Variants in NEDD4 observed in about 807,000 individuals in gnomAD.
The protein encoded by NEDD4 is E3 ubiquitin-protein ligase NEDD4.
Under a neutral mutation model 144.9 loss-of-function variants are expected in NEDD4, and 99 were observed. The observed-to-expected ratio is 0.68, with a 90% CI of 0.58 to 0.81. The LOEUF (loss-of-function observed/expected upper bound fraction) is 0.81. Ranked by LOEUF, NEDD4 falls within the 30% of genes least tolerant of loss-of-function variation. The probability of loss-of-function intolerance (pLI) is 0.00; values close to 1 mark genes in which losing one functional copy is unlikely to be tolerated. For synonymous variants in NEDD4, 318 were observed against 350.6 expected, an observed-to-expected ratio of 0.91 and a Z score of 1.04; for missense variants, 985 against 1,065.9, an observed-to-expected ratio of 0.92 and a Z score of 1.06.
chr15:55,899,170 G>A (rs1192340314), intron 5 of NEDD4, among the ~76,000 whole-genome samples: 2 of 152,058 alleles, frequency 1.3e-5, no homozygotes, highest in African/African-American at 2.4e-5. Flanking sequence ...TCCCAAAGTA[G>A]TTTTTCTTCT....
At chr15:55,915,325 T>C (rs1462541011) in intron 5 of NEDD4, 4 of 1,607,916 alleles carry the variant, frequency 2.5e-6, no homozygotes, top group Admixed American at 1.7e-5. Context: ...TCTCTGTTGC[T>C]GTCTCTTGAT....
At chr15:55,915,221 C>T (rs2036397448) in intron 5 of NEDD4, 1 of 1,423,194 alleles carries the variant, frequency 7.0e-7, no homozygotes, top group African/African-American at 1.4e-5. Context: ...TAAATGTTCT[C>T]CAAATATTTC....
intron 4 of NEDD4, among the ~76,000 whole-genome samples, chr15:55,932,642 T>C (rs1227075098): frequency 2.0e-5 from 3 of 151,990 alleles, no homozygotes; most frequent in Non-Finnish European, 4.4e-5. Context: ...CCAAAAGCAA[T>C]GGCAACAAAA....
intron 5 of NEDD4, chr15:55,916,019 C>G (rs141692030): frequency 4.3e-6 from 7 of 1,613,738 alleles, no homozygotes; most frequent in Non-Finnish European, 5.9e-6. Context: ...TTGAAGGACT[C>G]CTAGGAAAAA....
At chr15:55,921,828 T>C (rs1239749700) in intron 5 of NEDD4, among the ~76,000 whole-genome samples, 4 of 152,254 alleles carry the variant, frequency 2.6e-5, no homozygotes, top group Non-Finnish European at 4.4e-5. Flanking sequence ...CACTGATTAG[T>C]GTTTGACAAA....
chr15:55,921,312 G>A (rs1417147050), intron 5 of NEDD4, among the ~76,000 whole-genome samples: 1 of 151,980 alleles, frequency 6.6e-6, no homozygotes, highest in Non-Finnish European at 1.5e-5. Flanking sequence ...CTTAGTGTGG[G>A]GATCTATAAT....
intron 2 of NEDD4, among the ~76,000 whole-genome samples, chr15:55,954,602 G>A (rs1422527370): frequency 1.3e-5 from 2 of 151,564 alleles, no homozygotes; most frequent in Non-Finnish European, 2.9e-5. Flanking sequence ...TCGGCTCACC[G>A]CAACCTCCGC....
intron 1 of NEDD4, among the ~76,000 whole-genome samples, chr15:55,990,932 G>A (rs1400597151): frequency 6.6e-6 from 1 of 152,196 alleles, no homozygotes; most frequent in African/African-American, 2.4e-5. Flanking sequence ...CAGCCAGGGT[G>A]ATCTCTTACT....
chr15:55,844,653 C>T (rs752910465), intron 18 of NEDD4, among the ~76,000 whole-genome samples: 65 of 152,092 alleles, frequency 4.3e-4, no homozygotes, highest in Non-Finnish European at 4.6e-4. Context: ...TAGCTACCCA[C>T]ATGGAGTTGT....
At chr15:55,852,289 C>G in intron 13 of NEDD4, 135 bp downstream of exon 13, 1 of 980,536 alleles carries the variant, frequency 1.0e-6, no homozygotes, top group Non-Finnish European at 1.4e-6. Context: ...TACTGAGACT[C>G]CATCTCAAAA....
chr15:55,898,675 T>C (rs574372443), intron 5 of NEDD4, among the ~76,000 whole-genome samples: 2 of 151,288 alleles, frequency 1.3e-5, no homozygotes, highest in Admixed American at 1.3e-4. Flanking sequence ...CTTACTTTGT[T>C]GCCCAGGCTA....
intron 1 of NEDD4, among the ~76,000 whole-genome samples, chr15:55,968,369 C>A (rs529450323): frequency 1.3e-5 from 2 of 151,688 alleles, no homozygotes; most frequent in African/African-American, 4.8e-5. Context: ...ATCTTAATAG[C>A]AAAAATTATT....
At position 55,828,504 on chromosome 15, in the gene NEDD4, TTTTGCCTTATTCTGC is replaced by T. The variant is rs1277880491; in HGVS notation, c.*1378_*1392del. On this transcript the variant is annotated 3_prime_UTR_variant, in exon 29 of 29. Coordinates refer to ENST00000435532, the MANE Select transcript of NEDD4 (RefSeq NM_006154.4). ...GTGCTGGAACCTAGAACACTTTCCC[TTTTGCCTTATTCTGC>T]TTACGCCTACTTTTGATTGTTTTAC... 1 of 152,230 alleles carries T rather than the reference TTTTGCCTTATTCTGC, an allele frequency of 6.6e-6. No individual in the cohort carries two copies. Among genetic ancestry groups the T allele is most frequent in the African/African-American group, 2.4e-5 (1 of 41,454 alleles). 9.4% of individuals were successfully genotyped at this position (152,230 alleles called of 1,614,324 possible).
rs111508989 is a variant in NEDD4, at chr15:55,885,782, G to A, written c.292-11774C>T. Reference sequence around the variant, plus strand: ...AGGAAGACAGGAAGGAAGAAAAGAAGGAAGAAAAAACTATAAAACAACCAG... The same window carrying A: ...AGGAAGACAGGAAGGAAGAAAAGAAAGAAGAAAAAACTATAAAACAACCAG... On this transcript the variant is annotated intron_variant, in intron 5 of 28. Coordinates refer to ENST00000435532, the MANE Select transcript of NEDD4 (RefSeq NM_006154.4). Among the ~76,000 whole-genome samples, 1,042 of 151,962 alleles carry A rather than the reference G, an allele frequency of 6.9e-3. 6 individuals carry two copies. The highest frequency in any genetic ancestry group is 0.023 in the African/African-American group (971 of 41,482).
chr15:55,866,223 T>C (rs973861659), intron 8 of NEDD4, among the ~76,000 whole-genome samples: 13 of 151,868 alleles, frequency 8.6e-5, no homozygotes, highest in South Asian at 4.1e-4. Context: ...CTTTCTTCTT[T>C]TTTTTTTTAA....
At chr15:55,852,581 G>A (rs776597642) in intron 12 of NEDD4, 38 bp from the exon 13 acceptor site, 2 of 1,599,720 alleles carry the variant, frequency 1.3e-6, no homozygotes, top group East Asian at 4.5e-5. Context: ...AATACATCAA[G>A]TTTAAGAATC....
At chr15:55,916,366 T>C (rs781266666) in intron 5 of NEDD4, 23 of 1,614,072 alleles carry the variant, frequency 1.4e-5, no homozygotes, top group Middle Eastern at 1.6e-4. Context: ...TTATCACTGG[T>C]TGAAAAGTTA....
rs571641371 is a variant in NEDD4, at chr15:55,851,065, G to A, written c.1147-323C>T. Among the ~76,000 whole-genome samples, 37 of 152,232 alleles carry A rather than the reference G, an allele frequency of 2.4e-4. 1 individual carries two copies. In the South Asian group the frequency reaches 7.7e-3, roughly 32 times the overall value. On this transcript the variant is annotated intron_variant, in intron 13 of 28. Transcript: ENST00000435532. ...TGTGGGTGCATCTGACTGAAGGAGC[G>A]AGGTCTGCAAGCTCAAGCCCTAGCT...
intron 14 of NEDD4, 35 bp downstream of exon 14, chr15:55,850,507 T>C: frequency 6.3e-7 from 1 of 1,589,848 alleles, no homozygotes; most frequent in Non-Finnish European, 8.6e-7. Flanking sequence ...TGATTATTGT[T>C]GTTATAAATT....
Sources: allele counts gnomAD v4.1 joint callset (sites outside exome capture counted in the v4.1 genomes callset), GRCh38; gene constraint gnomAD v4.1.1; transcripts MANE v1.5; gene names NCBI Gene and HGNC (gene_info 2026-07-23, HGNC 2026-07-21).